KSR2: variants seen among roughly 807,000 people sequenced by gnomAD.
KSR2 encodes kinase suppressor of ras 2.
KSR2 carries 25 observed loss-of-function variants against 107.8 expected under a neutral mutation model. That is an observed-to-expected ratio of 0.23 (90% CI 0.17 to 0.32). The LOEUF (loss-of-function observed/expected upper bound fraction) is 0.32, where lower values mean the gene tolerates loss of function less well. Ranked by LOEUF, KSR2 falls within the 10% of genes least tolerant of loss-of-function variation. The pLI, the probability that KSR2 is intolerant of heterozygous loss-of-function variation, is 1.00. For synonymous variants in KSR2, 480 were observed against 507.0 expected (o/e 0.95, Z 0.71); for missense variants, 887 against 1,268.9 (o/e 0.70, Z 4.57).
chr12:117,566,072 T>A (rs1878470915), intron 7 of KSR2, among the ~76,000 whole-genome samples: 1 of 148,680 alleles, frequency 6.7e-6, no homozygotes, highest in African/African-American at 2.5e-5. Context: ...ACCCAGGTAC[T>A]AAGCCTAGTA....
intron 1 of KSR2, among the ~76,000 whole-genome samples, chr12:117,966,046 C>G (rs902281923): frequency 6.6e-6 from 1 of 152,054 alleles, no homozygotes; most frequent in African/African-American, 2.4e-5. Flanking sequence ...GACAAGGGAA[C>G]TGAAAACAGA....
rs117910128 is a variant in KSR2, at chr12:117,677,008, G to T, written c.987-9350C>A. Among the ~76,000 whole-genome samples the T allele has an allele frequency of 6.8e-3, 1,034 of 152,252 alleles. 5 individuals carry two copies. The highest frequency in any genetic ancestry group is 8.0e-3 in the Non-Finnish European group (544 of 68,016). On this transcript the variant is annotated intron_variant, in intron 4 of 19. Coordinates refer to ENST00000339824, the MANE Select transcript of KSR2 (RefSeq NM_173598.6). ...AGAATGACACTGACAAGTGGAGAAG[G>T]GTGTCCATCATCGGGATAAGGTGAT...
rs111800235 is a variant in KSR2, at chr12:117,830,491, G to A, written c.472+24937C>T. On this transcript the variant is annotated intron_variant, in intron 3 of 19. Transcript: ENST00000339824. ...GTAACAAACCTGCACATGTACCCTC[G>A]AATCAAAAAATAAAAGTTGAAATTA... is the stretch of plus-strand genomic sequence containing the variant. Among the ~76,000 whole-genome samples the A allele has an allele frequency of 4.6e-5, 7 of 151,540 alleles. No individual in the cohort carries two copies. In the East Asian group the frequency reaches 7.7e-4, roughly 17 times the overall value.
intron 7 of KSR2, among the ~76,000 whole-genome samples, chr12:117,571,787 G>A (rs754643403): frequency 8.5e-5 from 13 of 152,242 alleles, no homozygotes; most frequent in Admixed American, 2.0e-4. Context: ...CAGGTGACTC[G>A]GAGAATATCA....
At chr12:117,836,564 G>A (rs1892222154) in intron 3 of KSR2, among the ~76,000 whole-genome samples, 2 of 152,192 alleles carry the variant, frequency 1.3e-5, no homozygotes, top group African/African-American at 4.8e-5. Flanking sequence ...TTCAAAGACA[G>A]AGGTTCCGAT....
rs573362419 is a variant in KSR2, at chr12:117,741,458, G to A, written c.986+19553C>T. On this transcript the variant is annotated intron_variant, in intron 4 of 19. Transcript: ENST00000339824. ...GAAGATCACTTGAGCCCAGGATGTCGAGGCTGCAGTGAGCTAGGATTGCAC... is the reference window on the plus strand; with the variant it reads ...GAAGATCACTTGAGCCCAGGATGTCAAGGCTGCAGTGAGCTAGGATTGCAC... Among the ~76,000 whole-genome samples, 4 of 152,260 alleles carry A rather than the reference G, an allele frequency of 2.6e-5. No homozygotes were observed. The East Asian group carries it at 5.8e-4, about 22-fold the overall frequency.
rs1386310377 is a variant in KSR2, at chr12:117,461,207, C to T, written c.*5992G>A. 4 of 152,316 alleles carry T rather than the reference C, an allele frequency of 2.6e-5. 1 individual carries two copies. The highest frequency in any genetic ancestry group is 3.8e-4 in the East Asian group (2 of 5,208). 9.4% of individuals were successfully genotyped at this position (152,316 alleles called of 1,614,324 possible). On this transcript the variant is annotated 3_prime_UTR_variant, in exon 20 of 20. Coordinates refer to ENST00000339824, the MANE Select transcript of KSR2 (RefSeq NM_173598.6). ...GGAGGATTGCTTGTGGCCAGGAGTT[C>T]GAGGCTGCAGTGAGCTATGATCACG...
intron 3 of KSR2, among the ~76,000 whole-genome samples, chr12:117,770,609 T>G (rs1566005362): frequency 6.6e-6 from 1 of 151,730 alleles, no homozygotes; most frequent in Non-Finnish European, 1.5e-5. Flanking sequence ...GCCTGTGGAG[T>G]GCAGCCACCA....
chr12:117,954,069 A>G (rs967514525), intron 1 of KSR2, among the ~76,000 whole-genome samples: 1 of 151,786 alleles, frequency 6.6e-6, no homozygotes, highest in African/African-American at 2.4e-5. Context: ...CAGCCTGAGC[A>G]ACAGAGCAAG....
At chr12:117,542,870 C>T (rs7956776) in intron 9 of KSR2, among the ~76,000 whole-genome samples, 1 of 152,008 alleles carries the variant, frequency 6.6e-6, no homozygotes, top group African/African-American at 2.4e-5. Flanking sequence ...TTTCAGATTG[C>T]CTTTTTTCAC....
chr12:117,641,580 C>A (rs1177658021), intron 5 of KSR2, among the ~76,000 whole-genome samples: 1 of 152,168 alleles, frequency 6.6e-6, no homozygotes, highest in African/African-American at 2.4e-5. Context: ...ACATCAGTCA[C>A]ATTGAATTAA....
intron 5 of KSR2, among the ~76,000 whole-genome samples, chr12:117,656,568 C>T (rs1313202408): frequency 1.3e-5 from 2 of 152,184 alleles, no homozygotes; most frequent in Non-Finnish European, 2.9e-5. Context: ...TAGCCAAGAT[C>T]GTGCCATTGC....
intron 1 of KSR2, among the ~76,000 whole-genome samples, chr12:117,926,163 A>C (rs77056438): frequency 0.12 from 17,992 of 152,142 alleles, 1,194 homozygotes; most frequent in East Asian, 0.19. Context: ...CGCCCCTGCA[A>C]TTCCAGCGTA....
intron 7 of KSR2, among the ~76,000 whole-genome samples, chr12:117,572,683 C>A (rs534146089): frequency 5.4e-4 from 81 of 149,290 alleles, no homozygotes; most frequent in Middle Eastern, 3.4e-3. Context: ...CCCCTCTCTT[C>A]CACACTCCAG....
chr12:117,519,693 G>A (rs1253426480), intron 14 of KSR2, among the ~76,000 whole-genome samples: 3 of 152,056 alleles, frequency 2.0e-5, no homozygotes, highest in Admixed American at 1.3e-4. Context: ...ATTTCTTTGA[G>A]GGGATGTGGG....
intron 9 of KSR2, among the ~76,000 whole-genome samples, chr12:117,544,542 C>G (rs1186550670): frequency 3.3e-5 from 5 of 151,758 alleles, no homozygotes; most frequent in Non-Finnish European, 7.4e-5. Flanking sequence ...TCACTTGAAC[C>G]TGGGAGGCAG....
At chr12:117,874,189 G>A (rs1257526436) in intron 1 of KSR2, among the ~76,000 whole-genome samples, 1 of 152,042 alleles carries the variant, frequency 6.6e-6, no homozygotes, top group Non-Finnish European at 1.5e-5. Context: ...TTTCCAGAAT[G>A]GTTCCTTGAG....
At chr12:117,958,497 A>C (rs1182848457) in intron 1 of KSR2, among the ~76,000 whole-genome samples, 1 of 152,210 alleles carries the variant, frequency 6.6e-6, no homozygotes, top group Non-Finnish European at 1.5e-5. Context: ...AAGTATGAAC[A>C]TAAGCACCTG....
At chr12:117,502,430 G>A (rs1320136411) in intron 14 of KSR2, among the ~76,000 whole-genome samples, 1 of 152,098 alleles carries the variant, frequency 6.6e-6, no homozygotes, top group Non-Finnish European at 1.5e-5. Flanking sequence ...ACTTTGAAAT[G>A]CTCCAATAAG....
Sources: allele counts gnomAD v4.1 joint callset (sites outside exome capture counted in the v4.1 genomes callset), GRCh38; gene constraint gnomAD v4.1.1; transcripts MANE v1.5; gene names NCBI Gene and HGNC (gene_info 2026-07-23, HGNC 2026-07-21).